Variants in TBC1D2B observed in about 807,000 individuals in gnomAD.
The protein encoded by TBC1D2B is TBC1 domain family member 2B.
In TBC1D2B, 64 loss-of-function variants were observed where a neutral mutation model predicts 100.8. The ratio of observed to expected loss-of-function variants is 0.64; its 90% CI spans 0.52 to 0.78. The LOEUF (loss-of-function observed/expected upper bound fraction) is 0.78. Among genes scored for constraint, TBC1D2B ranks in the 30% least tolerant of loss-of-function variants. The probability of loss-of-function intolerance (pLI) is 0.00; values close to 1 mark genes in which losing one functional copy is unlikely to be tolerated. For missense variants in TBC1D2B, 1,052 were observed against 1,218.4 expected (o/e 0.86, Z 2.03); for synonymous variants, 480 against 479.7 (o/e 1.00, Z -0.01).
chr15:78,014,838 C>T (rs1257603033), intron 8 of TBC1D2B, among the ~76,000 whole-genome samples: 3 of 152,178 alleles, frequency 2.0e-5, no homozygotes, highest in African/African-American at 2.4e-5. Flanking sequence ...AAAAAGGTAT[C>T]ATCAGTCAGA....
At chr15:78,022,759 C>T (rs2072547431) in intron 6 of TBC1D2B, among the ~76,000 whole-genome samples, 1 of 151,930 alleles carries the variant, frequency 6.6e-6, no homozygotes, top group East Asian at 1.9e-4. Flanking sequence ...ATGTTGCCTA[C>T]ACTGGTCTCA....
chr15:78,004,056 T>TA (rs1377472941), intron 10 of TBC1D2B, among the ~76,000 whole-genome samples: 3 of 152,202 alleles, frequency 2.0e-5, no homozygotes, highest in African/African-American at 7.2e-5. Flanking sequence ...AATTATGCTC[T>TA]AAACGGCTCT....
intron 3 of TBC1D2B, among the ~76,000 whole-genome samples, chr15:78,043,936 G>C (rs1412718663): frequency 1.3e-5 from 2 of 151,938 alleles, no homozygotes; most frequent in African/African-American, 2.4e-5. Context: ...TGGAAGCTGA[G>C]GTAGGAGGAT....
At chr15:78,003,742 C>G (rs371689467) in intron 10 of TBC1D2B, among the ~76,000 whole-genome samples, 1 of 152,188 alleles carries the variant, frequency 6.6e-6, no homozygotes, top group Non-Finnish European at 1.5e-5. Context: ...GTAGGGGAGT[C>G]TGTAACCTGA....
chr15:78,044,958 G>T lies in TBC1D2B; in HGVS notation c.625C>A (p.Pro209Thr). ...VGEQAANQPA[P>T]GHPNSINFYS... ...AAATTAATGGAATTTGGATGCCCTGGGGCGGGCTGATTTGCAGCTTGTTCT... is the reference window on the plus strand; with the variant it reads ...AAATTAATGGAATTTGGATGCCCTGTGGCGGGCTGATTTGCAGCTTGTTCT... The change falls in exon 3 of 13, where the codon CCA becomes ACA. Residue 209 changes from proline (P) to threonine (T), a missense_variant. Pro to Thr is a conservative substitution (Grantham distance 38). Transcript: ENST00000300584. 1.2e-6 allele frequency: 2 copies of T among 1,613,694 alleles called. No individual in the cohort carries two copies. Among genetic ancestry groups the T allele is most frequent in the Non-Finnish European group, 1.7e-6 (2 of 1,179,742 alleles).
chr15:78,025,150 G>A (rs765316060), intron 5 of TBC1D2B, 109 bp downstream of exon 5: 3 of 929,888 alleles, frequency 3.2e-6, no homozygotes, highest in Non-Finnish European at 4.9e-6. Context: ...CAACTCCTGG[G>A]AAACAAAGCT....
At chr15:78,047,738 C>T (rs1165642545) in intron 2 of TBC1D2B, among the ~76,000 whole-genome samples, 5 of 152,164 alleles carry the variant, frequency 3.3e-5, no homozygotes, top group Non-Finnish European at 7.3e-5. Flanking sequence ...AGACACCTGC[C>T]CCTGCAGTAT....
chr15:78,010,866 G>C (rs907094437), intron 9 of TBC1D2B, among the ~76,000 whole-genome samples: 1 of 152,262 alleles, frequency 6.6e-6, no homozygotes, highest in African/African-American at 2.4e-5. Context: ...ACGGTGGTGA[G>C]GGCGGAAGTG....
chr15:78,074,947 C>T (rs756449403), intron 1 of TBC1D2B, among the ~76,000 whole-genome samples: 47 of 152,192 alleles, frequency 3.1e-4, no homozygotes, highest in Non-Finnish European at 6.9e-4. Context: ...GTAGTGCCTA[C>T]TATTTTCCAT....
At chr15:78,062,019 T>C (rs1393986464) in intron 1 of TBC1D2B, among the ~76,000 whole-genome samples, 1 of 152,136 alleles carries the variant, frequency 6.6e-6, no homozygotes. Context: ...CATGATGCAC[T>C]AGACGAGGAA....
At position 78,037,759 on chromosome 15, in the gene TBC1D2B, T is replaced by C. The variant is rs560579900; in HGVS notation, c.683+7141A>G. On this transcript the variant is annotated intron_variant, in intron 3 of 12. Transcript: ENST00000300584. ...GTGAGGAAATCAATTTTGAGGGTCA[T>C]GACAAGCATTTTTTTAGTATTAGAA... Among the ~76,000 whole-genome samples, 3 of 152,356 alleles carry C rather than the reference T, an allele frequency of 2.0e-5. No individual in the cohort carries two copies. The South Asian group carries it at 6.2e-4, about 32-fold the overall frequency.
chr15:78,010,300 A>T (rs2072189572), intron 9 of TBC1D2B, among the ~76,000 whole-genome samples: 1 of 152,152 alleles, frequency 6.6e-6, no homozygotes, highest in African/African-American at 2.4e-5. Context: ...ACTAATCAAT[A>T]GCCCTGGTAT....
At position 78,013,188 on chromosome 15, in the gene TBC1D2B, G is replaced by C; in HGVS notation, c.1905C>G (p.Val635=). ...TACTTGCAAAATAGTTTTCCCACTTGACCCCAGTGGAGACTTCCTGGTTTT... is the reference window on the plus strand; with the variant it reads ...TACTTGCAAAATAGTTTTCCCACTTCACCCCAGTGGAGACTTCCTGGTTTT... The part of the protein sequence containing the change: ...LTENQEVSTG[V]KWENYFASTV... Residue 635 remains valine (V), a synonymous_variant, in exon 9 of 13, where the codon GTC becomes GTG. Transcript: ENST00000300584. 1.9e-6 allele frequency: 3 copies of C among 1,613,964 alleles called. No homozygotes were observed. Among genetic ancestry groups the C allele is most frequent in the Non-Finnish European group, 2.5e-6 (3 of 1,179,886 alleles).
chr15:78,058,562 C>T (rs920167336), intron 1 of TBC1D2B, among the ~76,000 whole-genome samples: 4 of 152,218 alleles, frequency 2.6e-5, no homozygotes, highest in African/African-American at 7.2e-5. Context: ...GCACAGACAA[C>T]GCCTTGCTAG....
chr15:78,072,683 T>A (rs933474597), intron 1 of TBC1D2B, among the ~76,000 whole-genome samples: 2 of 152,246 alleles, frequency 1.3e-5, no homozygotes, highest in African/African-American at 4.8e-5. Context: ...ATTCATTTGC[T>A]GACGGTCTGA....
intron 6 of TBC1D2B, among the ~76,000 whole-genome samples, chr15:78,019,542 T>C (rs1195898492): frequency 6.6e-6 from 1 of 151,962 alleles, no homozygotes; most frequent in South Asian, 2.1e-4. Flanking sequence ...GACTTCCTTT[T>C]CTCACCTGAA....
Position 78,045,039 on chromosome 15 carries a change from C to A in TBC1D2B, c.544G>T (p.Ala182Ser). Residue 182 changes from alanine to serine, a missense_variant, in exon 3 of 13, where the codon GCA (alanine) becomes TCA (serine). By Grantham distance (99) the Ala-to-Ser change is moderately conservative. Coordinates refer to ENST00000300584, the MANE Select transcript of TBC1D2B (RefSeq NM_144572.2). ...DLIYPHPNAS[A>S]EKARNVLAVE... ...GCTAGGACATTTCTGGCTTTTTCTG[C>A]AGAAGCATTTGGGTGTGGGTAAATT... The A allele has an allele frequency of 2.5e-6, 4 of 1,611,868 alleles. No homozygotes were observed. Among genetic ancestry groups the A allele is most frequent in the Non-Finnish European group, 3.4e-6 (4 of 1,178,790 alleles).
At chr15:78,029,872 G>T in intron 4 of TBC1D2B, 135 bp downstream of exon 4, 2 of 572,398 alleles carry the variant, frequency 3.5e-6, no homozygotes, top group Non-Finnish European at 5.6e-6. Context: ...TATGTTTTAA[G>T]TCCGACAAAG....
intron 4 of TBC1D2B, 123 bp downstream of exon 4, chr15:78,029,884 G>A (rs1409797653): frequency 6.0e-6 from 4 of 663,638 alleles, no homozygotes; most frequent in Non-Finnish European, 9.3e-6. Context: ...CCGACAAAGA[G>A]AATGCAAGCC....
Sources: allele counts gnomAD v4.1 joint callset (sites outside exome capture counted in the v4.1 genomes callset), GRCh38; gene constraint gnomAD v4.1.1; transcripts MANE v1.5; gene names NCBI Gene and HGNC (gene_info 2026-07-23, HGNC 2026-07-21).